Variants in THNSL1 observed in about 807,000 individuals in gnomAD.
THNSL1 encodes the protein threonine synthase like 1, also known as threonine synthase-like 1.
Under a neutral mutation model 50.4 loss-of-function variants are expected in THNSL1, and 48 were observed. The observed-to-expected ratio is 0.95, with a 90% CI of 0.76 to 1.21. The LOEUF (loss-of-function observed/expected upper bound fraction) is 1.21. Ranked by LOEUF, THNSL1 falls within the 50% of genes most tolerant of loss-of-function variation. THNSL1 has a pLI of 0.00. For missense variants in THNSL1, 896 were observed against 871.7 expected (o/e 1.03, Z -0.35); for synonymous variants, 309 against 306.1 (o/e 1.01, Z -0.10).
chr10:24,964,769 T>C, the THNSL1 span, among the ~76,000 whole-genome samples: 136 of 152,214 alleles, frequency 8.9e-4, no homozygotes, highest in Non-Finnish European at 1.6e-3. Context: ...GCCTTTGACA[T>C]AAAACTGTCC....
At chr10:24,952,449 G>A in the THNSL1 span, 6 of 1,468,652 alleles carry the variant, frequency 4.1e-6, no homozygotes, top group East Asian at 1.5e-4. This position sits in a 1 kb window ranked among gnomAD's most constrained non-coding sequence, Gnocchi z 5.1. Flanking sequence ...CCGACGCACG[G>A]CAAGCATTTA....
the THNSL1 span, among the ~76,000 whole-genome samples, chr10:24,994,129 C>T: frequency 2.0e-5 from 3 of 152,204 alleles, no homozygotes; most frequent in East Asian, 5.8e-4. Context: ...TTTGATTTTC[C>T]ACTGGCATTG....
chr10:24,984,351 CAA>C, the THNSL1 span: 24 of 1,319,072 alleles, frequency 1.8e-5, 1 homozygote, highest in South Asian at 3.0e-4. Flanking sequence ...TAACAGTTTT[CAA>C]AGTTGTGCTG....
At chr10:25,011,466 AAAAC>A in the THNSL1 span, among the ~76,000 whole-genome samples, 1 of 152,202 alleles carries the variant, frequency 6.6e-6, no homozygotes, top group African/African-American at 2.4e-5. Flanking sequence ...AAACCTGAGA[AAAAC>A]AAGCAATAGG....
At chr10:25,002,171 T>C in the THNSL1 span, among the ~76,000 whole-genome samples, 1 of 152,216 alleles carries the variant, frequency 6.6e-6, no homozygotes, top group Non-Finnish European at 1.5e-5. Flanking sequence ...CCCTGTGTAT[T>C]AGGAGGTGTC....
the THNSL1 span, among the ~76,000 whole-genome samples, chr10:25,003,739 T>G: frequency 0.018 from 2,720 of 152,260 alleles, 74 homozygotes; most frequent in African/African-American, 0.062. Context: ...AAACATGCAT[T>G]ACGGGGGTTT....
At chr10:25,008,503 TA>T in the THNSL1 span, among the ~76,000 whole-genome samples, 16 of 152,316 alleles carry the variant, frequency 1.1e-4, no homozygotes, top group Non-Finnish European at 1.9e-4. Context: ...ATGTAAGTGT[TA>T]ACAGTATTGA....
At chr10:24,990,419 T>C in the THNSL1 span, 1 of 1,569,704 alleles carries the variant, frequency 6.4e-7, no homozygotes, top group Non-Finnish European at 8.6e-7. Flanking sequence ...CTTTCAGAGA[T>C]GATCCAAAGA....
the THNSL1 span, among the ~76,000 whole-genome samples, chr10:24,967,792 AT>A: frequency 6.6e-6 from 1 of 151,364 alleles, no homozygotes; most frequent in East Asian, 1.9e-4. Flanking sequence ...TGTGCGTATG[AT>A]GTGTGTATGA....
chr10:25,010,769 T>A, the THNSL1 span, among the ~76,000 whole-genome samples: 1 of 142,018 alleles, frequency 7.0e-6, no homozygotes, highest in Non-Finnish European at 1.6e-5. Context: ...ACAAAGGACA[T>A]GAACTCATCA....
chr10:24,980,957 G>A, the THNSL1 span, among the ~76,000 whole-genome samples: 1 of 152,172 alleles, frequency 6.6e-6, no homozygotes, highest in Non-Finnish European at 1.5e-5. Context: ...CTGACCTCAA[G>A]TGATCCACCC....
upstream of THNSL1, among the ~76,000 whole-genome samples, chr10:25,011,876 T>C (rs1390428526): frequency 2.0e-5 from 3 of 152,216 alleles, no homozygotes; most frequent in South Asian, 2.1e-4. Flanking sequence ...CAAATGTTAA[T>C]AGCCAAAACA....
the THNSL1 span, among the ~76,000 whole-genome samples, chr10:25,006,668 G>A: frequency 1.3e-5 from 2 of 152,202 alleles, no homozygotes; most frequent in East Asian, 3.9e-4. Flanking sequence ...TTAGAACAAG[G>A]TTGTGTATAA....
At chr10:24,984,608 C>A in the THNSL1 span, 1 of 1,085,576 alleles carries the variant, frequency 9.2e-7, no homozygotes, top group African/African-American at 1.6e-5. Context: ...ATTGCCTAAG[C>A]ATTCTGATTA....
the THNSL1 span, among the ~76,000 whole-genome samples, chr10:25,003,159 T>C: frequency 1.4e-5 from 2 of 138,586 alleles, no homozygotes; most frequent in Non-Finnish European, 3.3e-5. Context: ...CAGTGTTTCT[T>C]TAATTAATTA....
chr10:25,023,782 A>G lies in THNSL1; in HGVS notation c.559A>G (p.Lys187Glu). ...NSGTSMKDLLKFRRQYYKKWY... is the reference protein window; with the variant it reads ...NSGTSMKDLLEFRRQYYKKWY... ...TGGAACATCTATGAAAGACTTACTTAAATTTAGAAGACAGTATTATAAGAA... is the reference window on the plus strand; with the variant it reads ...TGGAACATCTATGAAAGACTTACTTGAATTTAGAAGACAGTATTATAAGAA... Residue 187 changes from lysine (K) to glutamate (E), a missense_variant, in exon 3 of 3, where the codon AAA becomes GAA. Coordinates refer to ENST00000376356, the MANE Select transcript of THNSL1 (RefSeq NM_024838.5). 1 of 1,614,142 alleles carries G rather than the reference A, an allele frequency of 6.2e-7. No individual in the cohort carries two copies. Among genetic ancestry groups the G allele is most frequent in the Non-Finnish European group, 8.5e-7 (1 of 1,180,004 alleles).
chr10:24,998,648 G>C, the THNSL1 span, among the ~76,000 whole-genome samples: 1 of 152,064 alleles, frequency 6.6e-6, no homozygotes, highest in African/African-American at 2.4e-5. Context: ...CTTGGGCTAT[G>C]AAGAAATTGC....
intron 1 of THNSL1, among the ~76,000 whole-genome samples, chr10:25,019,291 T>C (rs1278531728): frequency 1.3e-5 from 2 of 152,166 alleles, no homozygotes; most frequent in African/African-American, 4.8e-5. Context: ...CTGGGCAACA[T>C]GGCGAAACCC....
the THNSL1 span, among the ~76,000 whole-genome samples, chr10:25,000,641 T>C: frequency 3.9e-5 from 6 of 152,104 alleles, no homozygotes; most frequent in Non-Finnish European, 7.4e-5. Flanking sequence ...AAGCATCCCT[T>C]TGATTTGTAA....
Sources: allele counts gnomAD v4.1 joint callset (sites outside exome capture counted in the v4.1 genomes callset), GRCh38; gene constraint gnomAD v4.1.1; non-coding constraint Gnocchi (gnomAD v3.1); transcripts MANE v1.5; gene names NCBI Gene and HGNC (gene_info 2026-07-23, HGNC 2026-07-21).